Variants in CSMD1 observed in about 807,000 individuals in gnomAD.
CSMD1 encodes the protein CUB and sushi domain-containing protein 1.
In CSMD1, 213 loss-of-function variants were observed where a neutral mutation model predicts 417.5. The ratio of observed to expected loss-of-function variants is 0.51; its 90% CI spans 0.46 to 0.57. The LOEUF (loss-of-function observed/expected upper bound fraction) is 0.57, where lower values mean the gene tolerates loss of function less well. Ranked by LOEUF, CSMD1 falls within the 20% of genes least tolerant of loss-of-function variation. The probability of loss-of-function intolerance (pLI) is 0.00; values close to 1 mark genes in which losing one functional copy is unlikely to be tolerated. For synonymous variants in CSMD1, 2,862 were observed against 1,736.8 expected, an observed-to-expected ratio of 1.65 and a Z score of -16.11; for missense variants, 6,923 against 4,529.7, an observed-to-expected ratio of 1.53 and a Z score of -15.17.
intron 49 of CSMD1, among the ~76,000 whole-genome samples, chr8:3,061,925 G>C (rs571541185): frequency 6.6e-6 from 1 of 152,078 alleles, no homozygotes; most frequent in Admixed American, 6.6e-5. Context: ...GCTCTGTGAG[G>C]GGTCAGATAT....
At chr8:4,125,327 C>G (rs1309174281) in intron 3 of CSMD1, among the ~76,000 whole-genome samples, 2 of 152,202 alleles carry the variant, frequency 1.3e-5, no homozygotes, top group Non-Finnish European at 2.9e-5. Context: ...ATTAGAAACT[C>G]TAAAGAGCGC....
chr8:3,705,551 A>G (rs1289683178), intron 7 of CSMD1, among the ~76,000 whole-genome samples: 1 of 152,232 alleles, frequency 6.6e-6, no homozygotes, highest in African/African-American at 2.4e-5. Context: ...AAGAACGATC[A>G]TAAACAAACA....
chr8:3,405,994 AAGG>A (rs776301663), intron 15 of CSMD1, 30 bp downstream of exon 15: 4 of 1,599,556 alleles, frequency 2.5e-6, no homozygotes, highest in South Asian at 1.1e-5. Context: ...TGTGATTTCA[AAGG>A]AGAAGAGCGG....
chr8:3,529,420 T>A (rs904429062), intron 10 of CSMD1, among the ~76,000 whole-genome samples: 1 of 152,190 alleles, frequency 6.6e-6, no homozygotes, highest in South Asian at 2.1e-4. Context: ...GGTTGATACA[T>A]GAGGAATTCA....
chr8:3,849,391 A>T (rs1029169017), intron 5 of CSMD1, among the ~76,000 whole-genome samples: 1 of 152,178 alleles, frequency 6.6e-6, no homozygotes, highest in Non-Finnish European at 1.5e-5. Context: ...ACAGGCGCCA[A>T]GGAAGGACGG....
chr8:3,863,224 C>A (rs1804837978), intron 5 of CSMD1, among the ~76,000 whole-genome samples: 1 of 151,962 alleles, frequency 6.6e-6, no homozygotes, highest in Non-Finnish European at 1.5e-5. Flanking sequence ...TAGTGAAACC[C>A]CATCTCTACT....
intron 26 of CSMD1, among the ~76,000 whole-genome samples, chr8:3,273,315 G>A (rs1243368962): frequency 2.0e-5 from 3 of 152,062 alleles, no homozygotes; most frequent in Admixed American, 1.3e-4. Flanking sequence ...TTTTTGATGT[G>A]CTGCTGGATT....
chr8:4,009,873 G>C (rs753688810), intron 4 of CSMD1, among the ~76,000 whole-genome samples: 1 of 151,896 alleles, frequency 6.6e-6, no homozygotes. Flanking sequence ...GGGTACTCTC[G>C]TACATCCTTT....
chr8:2,956,871 G>A (rs1045926383), intron 63 of CSMD1, among the ~76,000 whole-genome samples: 1 of 151,842 alleles, frequency 6.6e-6, no homozygotes, highest in African/African-American at 2.4e-5. Flanking sequence ...ATATAAACAT[G>A]CATATATATA....
At chr8:3,138,756 C>A (rs1041119746) in intron 41 of CSMD1, among the ~76,000 whole-genome samples, 1 of 152,068 alleles carries the variant, frequency 6.6e-6, no homozygotes, top group Admixed American at 6.6e-5. Context: ...AAGTGAGAAT[C>A]GAGACAGAGA....
intron 10 of CSMD1, among the ~76,000 whole-genome samples, chr8:3,545,976 A>T (rs565439679): frequency 1.3e-5 from 2 of 152,326 alleles, no homozygotes; most frequent in African/African-American, 4.8e-5. Flanking sequence ...CCTAAGCCAA[A>T]CAATTAGTCA....
chr8:3,037,612 C>A (rs560809611), intron 50 of CSMD1, among the ~76,000 whole-genome samples: 2 of 152,124 alleles, frequency 1.3e-5, no homozygotes, highest in East Asian at 3.9e-4. Context: ...GGTAGATGCC[C>A]CGTAGTAGGG....
At chr8:3,997,360 C>A (rs926280586) in intron 5 of CSMD1, among the ~76,000 whole-genome samples, 14 of 152,124 alleles carry the variant, frequency 9.2e-5, no homozygotes, top group Non-Finnish European at 2.1e-4. Context: ...AGAGAACTGA[C>A]CACCCTGCGG....
chr8:3,319,588 C>G (rs1381574319), intron 23 of CSMD1, among the ~76,000 whole-genome samples: 1 of 152,036 alleles, frequency 6.6e-6, no homozygotes, highest in African/African-American at 2.4e-5. Context: ...CGCACACATT[C>G]AACAATAACT....
At chr8:4,501,843 G>T (rs758844886) in intron 2 of CSMD1, among the ~76,000 whole-genome samples, 1 of 152,040 alleles carries the variant, frequency 6.6e-6, no homozygotes, top group African/African-American at 2.4e-5. Context: ...TTTATCAGAG[G>T]TATGTCTGTA....
intron 21 of CSMD1, among the ~76,000 whole-genome samples, chr8:3,351,651 T>C (rs2654487): frequency 0.96 from 141,193 of 147,818 alleles, 67,771 homozygotes; most frequent in East Asian, 1. Context: ...ACTTGGCTTG[T>C]TAACTAGAAA....
chr8:3,730,370 ATT>A (rs374243053), intron 6 of CSMD1, among the ~76,000 whole-genome samples: 6,005 of 131,822 alleles, frequency 0.046, 486 homozygotes, highest in African/African-American at 0.16. Context: ...TTAAGGAGCG[ATT>A]TTTTTTTTTT....
intron 9 of CSMD1, 47 bp downstream of exon 9, chr8:3,586,089 C>T (rs1346928208): frequency 1.5e-5 from 23 of 1,578,360 alleles, no homozygotes; most frequent in Non-Finnish European, 1.9e-5. Flanking sequence ...AAATGCCAAC[C>T]TTAAAGAAAG....
intron 5 of CSMD1, among the ~76,000 whole-genome samples, chr8:3,837,476 T>C (rs975672957): frequency 2.6e-5 from 4 of 152,102 alleles, no homozygotes; most frequent in Non-Finnish European, 5.9e-5. Flanking sequence ...TGGGACCTAA[T>C]GCTGAACAGC....
Sources: gnomAD v4.1 joint callset for allele counts (sites outside exome capture counted in the v4.1 genomes callset) on GRCh38, gnomAD v4.1.1 for gene constraint, MANE v1.5 for transcripts, NCBI Gene and HGNC (gene_info 2026-07-23, HGNC 2026-07-21) for gene names.